The following CAPN2 variants were observed in gnomAD, a reference collection of about 807,000 sequenced individuals.
CAPN2 encodes the protein calpain 2.
In CAPN2, 92 loss-of-function variants were observed where a neutral mutation model predicts 102.3. The observed-to-expected ratio is 0.90, with a 90% CI of 0.76 to 1.07. The LOEUF (loss-of-function observed/expected upper bound fraction) is 1.07. Ranked by LOEUF, CAPN2 falls within the 50% of genes least tolerant of loss-of-function variation. CAPN2 has a pLI of 0.00. For missense variants in CAPN2, 800 were observed against 909.4 expected (o/e 0.88, Z 1.55); for synonymous variants, 340 against 355.4 (o/e 0.96, Z 0.49).
At chr1:223,752,733 G>A in intron 8 of CAPN2, 63 bp from the exon 9 acceptor site, 1 of 1,557,222 alleles carries the variant, frequency 6.4e-7, no homozygotes, top group South Asian at 1.2e-5. Flanking sequence ...GGTGTTGGTG[G>A]AAAGTCAAGG....
In CAPN2 at chr1:223,770,386, G is replaced by A. The variant is rs551973386; in HGVS notation, c.1825-61G>A. The A allele has an allele frequency of 8.9e-6, 10 of 1,117,646 alleles. No individual in the cohort carries two copies. The Admixed American group carries it at 1.6e-4, about 17-fold the overall frequency. 69.2% of individuals were successfully genotyped at this position (1,117,646 alleles called of 1,614,324 possible). A position where few individuals can be genotyped will look rare whatever the true frequency, so the allele number is the denominator to read the frequency against. On this transcript the variant is annotated intron_variant, in intron 17 of 20. Transcript: ENST00000295006. ...TTCATCCCCACTCAGCACATACTAG[G>A]GAGGTAACTTGCCAGCTTTGCTTTG...
Position 223,712,751 on chromosome 1 carries a change from C to T in CAPN2, c.111C>T (p.Asn37=). 1.9e-6 allele frequency: 3 copies of T among 1,584,500 alleles called. No individual in the cohort carries two copies. Among genetic ancestry groups the T allele is most frequent in the Middle Eastern group, 1.7e-4 (1 of 5,988 alleles). The part of the protein sequence containing the change: ...YLNQDYEALR[N]ECLEAGTLFQ... Reference sequence around the variant, plus strand: ...ACCAGGACTACGAGGCGCTGCGGAACGAGTGCCTGGAGGCCGGGACGCTCT... The same window carrying T: ...ACCAGGACTACGAGGCGCTGCGGAATGAGTGCCTGGAGGCCGGGACGCTCT... Residue 37 remains asparagine, a synonymous_variant, in exon 1 of 21, where the codon AAC becomes AAT. Coordinates refer to ENST00000295006, the MANE Select transcript of CAPN2 (RefSeq NM_001748.5).
At position 223,774,701 on chromosome 1, in the gene CAPN2, G is replaced by A; in HGVS notation, c.2080-133G>A. Reference sequence around the variant, plus strand: ...TAGAAATCAGGTAAGAAAAATATGAGTTAGTGCACTGATATTGTAGCCCTC... The same window carrying A: ...TAGAAATCAGGTAAGAAAAATATGAATTAGTGCACTGATATTGTAGCCCTC... On this transcript the variant is annotated intron_variant, in intron 20 of 20. Transcript: ENST00000295006. 3 of 740,650 alleles carry A rather than the reference G, an allele frequency of 4.1e-6. No homozygotes were observed. The East Asian group carries it at 7.5e-5, about 19-fold the overall frequency. The allele number at this position is 740,650 out of a possible 1,614,324, so 45.9% of individuals were successfully genotyped here. A position where few individuals can be genotyped will look rare whatever the true frequency, so the allele number is the denominator to read the frequency against.
Position 223,759,545 on chromosome 1 carries a change from G to A in CAPN2, c.1529+64G>A, listed in dbSNP as rs531867109. 8.9e-6 allele frequency: 12 copies of A among 1,353,200 alleles called. No homozygotes were observed. The highest frequency in any genetic ancestry group is 6.9e-5 in the East Asian group (3 of 43,302). 83.8% of individuals were successfully genotyped at this position (1,353,200 alleles called of 1,614,324 possible). A position where few individuals can be genotyped will look rare whatever the true frequency, so the allele number is the denominator to read the frequency against. On this transcript the variant is annotated intron_variant, in intron 12 of 20. Coordinates refer to ENST00000295006, the MANE Select transcript of CAPN2 (RefSeq NM_001748.5). This position sits in a 1 kb window ranked among gnomAD's most constrained non-coding sequence, Gnocchi z 4.6. ...GTCCCTCCCCACTGGTCTGTTCCTC[G>A]GCCCCTAGAGGGCTCTTTCATCCTC...
rs1297978161 is a variant in CAPN2 at position 223,702,121 on chromosome 1, G to GGAAGGAAGGAAA, written c.3+301_3+302insAGAAGGAAGGAA. 1.8e-3 allele frequency among the ~76,000 whole-genome samples: 254 copies of GGAAGGAAGGAAA among 140,296 alleles called. 2 individuals are homozygous for GGAAGGAAGGAAA. Among genetic ancestry groups the GGAAGGAAGGAAA allele is most frequent in the African/African-American group, 6.1e-3 (234 of 38,144 alleles). The allele number at this position is 140,296 out of a possible 152,430, so 92.0% of individuals were successfully genotyped here. A position where few individuals can be genotyped will look rare whatever the true frequency, so the allele number is the denominator to read the frequency against. On this transcript the variant is annotated intron_variant, in intron 1 of 20. Transcript: ENST00000433674. The stretch of plus-strand genomic sequence containing the variant: ...AAGAAGGAAAGAAGGAAGGAAGGAA[G>GGAAGGAAGGAAA]GAAGGAAGGAAGGAAAGAAGGAGGC...
chr1:223,774,694 A>T (rs1661568232), intron 20 of CAPN2, 140 bp from the exon 21 acceptor site: 1 of 706,734 alleles, frequency 1.4e-6, no homozygotes, highest in Non-Finnish European at 2.5e-6. Flanking sequence ...AGGTAAGAAA[A>T]ATATGAGTTA....
At chr1:223,772,339 A>ACGGCGACCACCG in intron 20 of CAPN2, 100 bp downstream of exon 20, 1 of 1,039,030 alleles carries the variant, frequency 9.6e-7, no homozygotes, top group Admixed American at 1.8e-5. Context: ...TTTTGCTTTA[A>ACGGCGACCACCG]AGAGCTCTTG....
intron 2 of CAPN2, among the ~76,000 whole-genome samples, chr1:223,729,085 G>C (rs1025984123): frequency 3.9e-5 from 6 of 152,092 alleles, no homozygotes; most frequent in African/African-American, 1.4e-4. Flanking sequence ...TTACTCCAAG[G>C]CGGGCCTCAG....
chr1:223,707,979 C>T (rs1258334882), upstream of CAPN2, among the ~76,000 whole-genome samples: 1 of 152,240 alleles, frequency 6.6e-6, no homozygotes, highest in Non-Finnish European at 1.5e-5. Context: ...TCCCAAGAGC[C>T]TCGAGCCCAG....
chr1:223,733,188 C>T (rs1456760464), intron 2 of CAPN2, among the ~76,000 whole-genome samples: 1 of 152,078 alleles, frequency 6.6e-6, no homozygotes, highest in Non-Finnish European at 1.5e-5. Flanking sequence ...GTGCCTCAGC[C>T]CAGCCTCTCC....
At chr1:223,770,390 G>A in intron 17 of CAPN2, 57 bp from the exon 18 acceptor site, 5 of 1,226,678 alleles carry the variant, frequency 4.1e-6, no homozygotes. Flanking sequence ...TACTAGGGAG[G>A]TAACTTGCCA....
chr1:223,747,653 C>T (rs2102799158), intron 5 of CAPN2, among the ~76,000 whole-genome samples: 1 of 152,264 alleles, frequency 6.6e-6, no homozygotes, highest in South Asian at 2.1e-4. Context: ...GAGTTCAGTT[C>T]ATAATAACTC....
chr1:223,766,424 T>C lies in CAPN2; in HGVS notation c.1748T>C (p.Met583Thr), dbSNP rs1558078215. ...SIETCKIMVD[M>T]LDSDGSGKLG... ...GAGACATGCAAAATTATGGTTGACA[T>C]GCTAGATGTATCCTTTAATGTGCTC... The change falls in exon 16 of 21, where the codon ATG becomes ACG. Residue 583 changes from methionine to threonine, a missense_variant. Coordinates refer to ENST00000295006, the MANE Select transcript of CAPN2 (RefSeq NM_001748.5). 6.2e-7 allele frequency: 1 copy of C among 1,611,324 alleles called. No homozygotes were observed. Among genetic ancestry groups the C allele is most frequent in the Admixed American group, 1.7e-5 (1 of 60,020 alleles).
At chr1:223,722,552 AGTGCTG>A (rs1660081245) in intron 2 of CAPN2, among the ~76,000 whole-genome samples, 1 of 151,490 alleles carries the variant, frequency 6.6e-6, no homozygotes, top group Non-Finnish European at 1.5e-5. Flanking sequence ...TATCCTCCCA[AGTGCTG>A]GGATTACAGG....
In CAPN2 at chr1:223,759,897, TC is replaced by T. The variant is rs202207716; in HGVS notation, c.1529+417del. Among the ~76,000 whole-genome samples, 20,878 of 151,826 alleles carry T rather than the reference TC, an allele frequency of 0.14. 1,445 individuals carry two copies. The highest frequency in any genetic ancestry group is 0.27 in the African/African-American group (11,027 of 41,252). On this transcript the variant is annotated intron_variant, in intron 12 of 20. Coordinates refer to ENST00000295006, the MANE Select transcript of CAPN2 (RefSeq NM_001748.5). This position sits in a 1 kb window ranked among gnomAD's most constrained non-coding sequence, Gnocchi z 4.6. Reference sequence around the variant, plus strand: ...CACCAAGGGTGTAAGGTGGGAACCATCTCAACGGTTCCCACCTCCAGAACCT... The same window carrying T: ...CACCAAGGGTGTAAGGTGGGAACCATTCAACGGTTCCCACCTCCAGAACCT...
intron 1 of CAPN2, among the ~76,000 whole-genome samples, chr1:223,714,960 T>C (rs188470020): frequency 6.6e-6 from 1 of 152,074 alleles, no homozygotes; most frequent in East Asian, 1.9e-4. Context: ...TAAGGAAGAG[T>C]GTGACTTTTA....
chr1:223,766,406 G>A lies in CAPN2; in HGVS notation c.1730G>A (p.Cys577Tyr). 1 of 1,613,728 alleles carries A rather than the reference G, an allele frequency of 6.2e-7. No individual in the cohort carries two copies. Among genetic ancestry groups the A allele is most frequent in the Middle Eastern group, 1.6e-4 (1 of 6,062 alleles). ...TCAGATGGCTTCAGCATCGAGACAT[G>A]CAAAATTATGGTTGACATGCTAGAT... ...IKSDGFSIET[C>Y]KIMVDMLDSD... The change falls in exon 16 of 21, where the codon TGC (cysteine) becomes TAC (tyrosine). Residue 577 changes from cysteine to tyrosine, a missense_variant. Physicochemically the swap from Cys to Tyr is radical, Grantham distance 194 (BLOSUM62 -2). Coordinates refer to ENST00000295006, the MANE Select transcript of CAPN2 (RefSeq NM_001748.5).
At chr1:223,747,236 A>G in intron 5 of CAPN2, 71 bp downstream of exon 5, 2 of 1,459,920 alleles carry the variant, frequency 1.4e-6, no homozygotes, top group Non-Finnish European at 1.9e-6. Context: ...ACAGTGCCCA[A>G]GGGAACCCAC....
chr1:223,719,839 C>T (rs116826576), intron 2 of CAPN2, among the ~76,000 whole-genome samples: 1,899 of 141,714 alleles, frequency 0.013, 40 homozygotes, highest in African/African-American at 0.044. Flanking sequence ...TGTGCGCGCG[C>T]GCGCGTATAA....
Sources: gnomAD v4.1 joint callset for allele counts (sites outside exome capture counted in the v4.1 genomes callset) on GRCh38, gnomAD v4.1.1 for gene constraint, Gnocchi (gnomAD v3.1) non-coding constraint, MANE v1.5 for transcripts, NCBI Gene and HGNC (gene_info 2026-07-23, HGNC 2026-07-21) for gene names.